Variants in PREP observed in about 807,000 individuals in gnomAD.
PREP encodes prolyl endopeptidase.
In PREP, 29 loss-of-function variants were observed where a neutral mutation model predicts 87.6. That is an observed-to-expected ratio of 0.33 (90% confidence interval 0.25 to 0.45). The LOEUF is 0.45. PREP is among the 20% of genes least tolerant of loss of function. The probability of loss-of-function intolerance (pLI) is 1.00; values close to 1 mark genes in which losing one functional copy is unlikely to be tolerated. For missense variants in PREP, 695 were observed against 886.5 expected, an observed-to-expected ratio of 0.78 and a Z score of 2.74; for synonymous variants, 337 against 328.6, an observed-to-expected ratio of 1.03 and a Z score of -0.28.
At chr6:105,294,559 C>T (rs1770368093) in intron 10 of PREP, among the ~76,000 whole-genome samples, 1 of 152,180 alleles carries the variant, frequency 6.6e-6, no homozygotes, top group Admixed American at 6.5e-5. Context: ...CTGGTTCCCT[C>T]CAATGTTTGC....
At position 105,275,712 on chromosome 6, in the gene PREP, G is replaced by A. The variant is rs919349296; in HGVS notation, c.*2432C>T. On this transcript the variant is annotated 3_prime_UTR_variant, in exon 15 of 15. Transcript: ENST00000652536. ...GCCCATCAGCAGATGAACAGATGAA[G>A]AAAATGTGGTACATATATACAATGG... Among the ~76,000 whole-genome samples, 7 of 152,162 alleles carry A rather than the reference G, an allele frequency of 4.6e-5. No individual in the cohort carries two copies. Among genetic ancestry groups the A allele is most frequent in the African/African-American group, 1.7e-4 (7 of 41,444 alleles).
At chr6:105,348,892 AAAG>A (rs1323885675) in intron 7 of PREP, among the ~76,000 whole-genome samples, 2 of 151,998 alleles carry the variant, frequency 1.3e-5, no homozygotes, top group African/African-American at 4.8e-5. Context: ...AAAAAAAAAA[AAAG>A]TACAAGGAAG....
chr6:105,335,502 C>T (rs1771455096), intron 7 of PREP, among the ~76,000 whole-genome samples: 1 of 152,160 alleles, frequency 6.6e-6, no homozygotes, highest in Non-Finnish European at 1.5e-5. Flanking sequence ...GATTAAAACC[C>T]CAGTTCTAAC....
chr6:105,349,898 TAAAAAAAAAAAA>T (rs1162063177), intron 7 of PREP, among the ~76,000 whole-genome samples: 1 of 59,456 alleles, frequency 1.7e-5, no homozygotes, highest in African/African-American at 5.2e-5. Flanking sequence ...GGGAAGCAGG[TAAAAAAAAAAAA>T]AAAAAAAAAA....
intron 13 of PREP, 124 bp from the exon 14 acceptor site, chr6:105,282,026 G>T: frequency 8.3e-7 from 1 of 1,209,272 alleles, no homozygotes. Flanking sequence ...GAGCACAAGA[G>T]GAAACCATCA....
intron 10 of PREP, among the ~76,000 whole-genome samples, chr6:105,293,721 C>T (rs1368876416): frequency 1.3e-5 from 2 of 152,098 alleles, no homozygotes; most frequent in African/African-American, 2.4e-5. Context: ...CGTGCACACA[C>T]TCAGCAGTAT....
intron 10 of PREP, among the ~76,000 whole-genome samples, chr6:105,293,060 G>C (rs897504926): frequency 3.9e-5 from 6 of 152,142 alleles, no homozygotes; most frequent in African/African-American, 1.4e-4. Flanking sequence ...AGGCAGTTTT[G>C]CTTTCTTATC....
At chr6:105,303,119 G>A (rs1770579436) in intron 10 of PREP, among the ~76,000 whole-genome samples, 1 of 122,588 alleles carries the variant, frequency 8.2e-6, no homozygotes, top group African/African-American at 3.4e-5. Context: ...GTCCATGTAT[G>A]TATGTATGTA....
At chr6:105,402,350 A>AT (rs1203964224) in intron 1 of PREP, among the ~76,000 whole-genome samples, 2 of 152,070 alleles carry the variant, frequency 1.3e-5, no homozygotes, top group African/African-American at 4.8e-5. Context: ...AATCGAACGA[A>AT]TATGCTTCAA....
intron 8 of PREP, among the ~76,000 whole-genome samples, chr6:105,331,846 C>T (rs867282656): frequency 6.6e-6 from 1 of 152,126 alleles, no homozygotes; most frequent in Non-Finnish European, 1.5e-5. Flanking sequence ...TCCTCTTGTT[C>T]TTGCCTGTAA....
intron 10 of PREP, among the ~76,000 whole-genome samples, chr6:105,303,855 A>G (rs1770597791): frequency 6.6e-6 from 1 of 152,238 alleles, no homozygotes; most frequent in African/African-American, 2.4e-5. Context: ...CAAATGTTAA[A>G]ATACCTGCCA....
At chr6:105,305,641 T>C (rs1277983759) in intron 10 of PREP, among the ~76,000 whole-genome samples, 1 of 152,140 alleles carries the variant, frequency 6.6e-6, no homozygotes, top group Non-Finnish European at 1.5e-5. Flanking sequence ...ATTCTGAACT[T>C]GGCTGTGTGA....
chr6:105,379,100 T>G (rs541795397), intron 2 of PREP, among the ~76,000 whole-genome samples: 1 of 152,336 alleles, frequency 6.6e-6, no homozygotes, highest in Non-Finnish European at 1.5e-5. Flanking sequence ...AAAATAAAAC[T>G]GTTACAGGTC....
intron 2 of PREP, among the ~76,000 whole-genome samples, chr6:105,382,433 G>A (rs9500090): frequency 0.31 from 47,727 of 151,916 alleles, 10,242 homozygotes; most frequent in African/African-American, 0.62. Flanking sequence ...CTGTCAATTT[G>A]AAAAATTGAC....
chr6:105,322,219 T>C (rs1325726291), intron 10 of PREP: 2 of 848,632 alleles, frequency 2.4e-6, no homozygotes, highest in African/African-American at 3.8e-5. Flanking sequence ...CTCCAGGCAA[T>C]GGCTCACCAT....
chr6:105,378,257 G>A (rs527771365), intron 2 of PREP, among the ~76,000 whole-genome samples: 50 of 152,262 alleles, frequency 3.3e-4, no homozygotes, highest in Non-Finnish European at 4.1e-4. Flanking sequence ...CCAGAAGATC[G>A]AGACCACCCT....
chr6:105,299,487 T>G (rs1481357799), intron 10 of PREP, among the ~76,000 whole-genome samples: 1 of 152,150 alleles, frequency 6.6e-6, no homozygotes, highest in Non-Finnish European at 1.5e-5. Context: ...TAGTCCCAGC[T>G]ATTCAGGAGG....
At chr6:105,371,763 C>CT (rs1473930212) in intron 5 of PREP, among the ~76,000 whole-genome samples, 1 of 152,112 alleles carries the variant, frequency 6.6e-6, no homozygotes, top group African/African-American at 2.4e-5. Flanking sequence ...AATTGCTTAG[C>CT]TTCATTTGTA....
chr6:105,393,553 G>C (rs1012884638), intron 2 of PREP, among the ~76,000 whole-genome samples: 1 of 152,106 alleles, frequency 6.6e-6, no homozygotes, highest in Admixed American at 6.6e-5. Context: ...TATGTTAACA[G>C]AGATATTTTG....
Sources: allele counts gnomAD v4.1 joint callset (sites outside exome capture counted in the v4.1 genomes callset), GRCh38; gene constraint gnomAD v4.1.1; transcripts MANE v1.5; gene names NCBI Gene and HGNC (gene_info 2026-07-23, HGNC 2026-07-21).